Variants in RNF138 observed in about 807,000 individuals in gnomAD.
RNF138 encodes ring finger protein 138.
A neutral mutation model predicts 31.0 loss-of-function variants in RNF138; 12 were observed. The ratio of observed to expected loss-of-function variants is 0.39; its 90% CI spans 0.25 to 0.63. RNF138 has a LOEUF of 0.63. RNF138 is among the 20% of genes least tolerant of loss of function. RNF138 has a pLI of 0.52. For synonymous variants in RNF138, 105 were observed against 99.5 expected, an observed-to-expected ratio of 1.06 and a Z score of -0.33; for missense variants, 192 against 300.1, an observed-to-expected ratio of 0.64 and a Z score of 2.66.
intron 2 of RNF138, among the ~76,000 whole-genome samples, chr18:32,097,221 ATAAT>A (rs1362856132): frequency 6.6e-6 from 1 of 152,240 alleles, no homozygotes; most frequent in Non-Finnish European, 1.5e-5. Context: ...AGTCAAGGAA[ATAAT>A]TCTTGTACAT....
chr18:32,112,669 C>T (rs889417965), intron 3 of RNF138, among the ~76,000 whole-genome samples: 13 of 151,934 alleles, frequency 8.6e-5, no homozygotes, highest in East Asian at 1.9e-4. Context: ...GCAACAAGAG[C>T]GAAACGCTGT....
intron 4 of RNF138, among the ~76,000 whole-genome samples, chr18:32,120,758 A>G (rs2040290728): frequency 6.6e-6 from 1 of 152,230 alleles, no homozygotes; most frequent in African/African-American, 2.4e-5. Context: ...TAACTTTGAT[A>G]TTAAATGCTT....
intron 2 of RNF138, among the ~76,000 whole-genome samples, chr18:32,102,773 C>T (rs1355939969): frequency 6.6e-6 from 1 of 151,910 alleles, no homozygotes; most frequent in Non-Finnish European, 1.5e-5. Context: ...GCTGGGATTA[C>T]AGGTGCGCAA....
In RNF138 at chr18:32,131,460, C is replaced by CACTT. The variant is rs531620961; in HGVS notation, c.*2275_*2278dup. On this transcript the variant is annotated 3_prime_UTR_variant, in exon 8 of 8. Coordinates refer to ENST00000261593, the MANE Select transcript of RNF138 (RefSeq NM_016271.5). Reference sequence around the variant, plus strand: ...CTCCAATACCTAAATTTCACAATACCACTTAGGAAAGCTATTTCAACAAAT... The same window carrying CACTT: ...CTCCAATACCTAAATTTCACAATACCACTTACTTAGGAAAGCTATTTCAACAAAT... The CACTT allele has an allele frequency of 4.4e-3, 673 of 152,126 alleles. 3 individuals are homozygous for CACTT. Among genetic ancestry groups the CACTT allele is most frequent in the African/African-American group, 0.016 (647 of 41,526 alleles). The allele number at this position is 152,126 out of a possible 1,614,324, so 9.4% of individuals were successfully genotyped here. A position where few individuals can be genotyped will look rare whatever the true frequency, so the allele number is the denominator to read the frequency against.
intron 2 of RNF138, among the ~76,000 whole-genome samples, chr18:32,093,111 GCTCTC>G (rs1294946201): frequency 2.2e-5 from 2 of 92,962 alleles, no homozygotes; most frequent in East Asian, 8.8e-4. Context: ...CCAAGCTCCC[GCTCTC>G]CCGCTCTCCC....
At chr18:32,107,943 C>T (rs959437345) in intron 2 of RNF138, among the ~76,000 whole-genome samples, 3 of 152,152 alleles carry the variant, frequency 2.0e-5, no homozygotes, top group African/African-American at 7.2e-5. Flanking sequence ...CAAGCTCCAC[C>T]TCCCAGGTAC....
At chr18:32,126,234 TAAGAA>T (rs1243121297) in intron 6 of RNF138, among the ~76,000 whole-genome samples, 2 of 152,176 alleles carry the variant, frequency 1.3e-5, no homozygotes, top group Non-Finnish European at 2.9e-5. Flanking sequence ...TCTCTAGTTT[TAAGAA>T]AAGAAAAGAA....
At chr18:32,129,091 CT>C in intron 7 of RNF138, 27 bp from the exon 8 acceptor site, 1 of 1,508,762 alleles carries the variant, frequency 6.6e-7, no homozygotes, top group South Asian at 1.1e-5. Flanking sequence ...TATGTTTTTC[CT>C]GTTGACATGA....
At chr18:32,121,077 A>G (rs1415303117) in intron 4 of RNF138, among the ~76,000 whole-genome samples, 6 of 151,266 alleles carry the variant, frequency 4.0e-5, no homozygotes, top group East Asian at 3.9e-4. Flanking sequence ...GGAGTTTGCA[A>G]TTAGCCGCGA....
chr18:32,101,988 C>T (rs1568227159), intron 2 of RNF138, among the ~76,000 whole-genome samples: 1 of 151,322 alleles, frequency 6.6e-6, no homozygotes, highest in Non-Finnish European at 1.5e-5. Context: ...GCGATCCTCC[C>T]ACCTCAGCCT....
intron 2 of RNF138, among the ~76,000 whole-genome samples, chr18:32,093,538 C>G (rs2039748246): frequency 1.3e-5 from 2 of 152,160 alleles, no homozygotes; most frequent in African/African-American, 4.8e-5. Context: ...TTAAAACTGA[C>G]AGGATTTTCG....
chr18:32,092,439 C>T (rs982923180), intron 1 of RNF138, among the ~76,000 whole-genome samples: 2 of 151,858 alleles, frequency 1.3e-5, no homozygotes, highest in Admixed American at 6.6e-5. Flanking sequence ...GAGGGCGTGG[C>T]CTAGAGCGTG....
At chr18:32,099,863 A>G (rs938390889) in intron 2 of RNF138, among the ~76,000 whole-genome samples, 3 of 152,222 alleles carry the variant, frequency 2.0e-5, no homozygotes, top group Non-Finnish European at 4.4e-5. Flanking sequence ...CGTTTCACAT[A>G]TGAGAGTTTT....
At chr18:32,125,457 T>G (rs1401977252) in intron 6 of RNF138, among the ~76,000 whole-genome samples, 1 of 152,160 alleles carries the variant, frequency 6.6e-6, no homozygotes, top group East Asian at 1.9e-4. Context: ...CATAGGTAAG[T>G]TATTTCAGCT....
chr18:32,123,449 C>G, intron 4 of RNF138, 69 bp from the exon 5 acceptor site: 3 of 969,034 alleles, frequency 3.1e-6, no homozygotes, highest in Non-Finnish European at 4.6e-6. Context: ...ATTAATGGTT[C>G]AAGATAATGA....
chr18:32,119,715 C>T (rs2040273439), intron 4 of RNF138, among the ~76,000 whole-genome samples: 1 of 152,176 alleles, frequency 6.6e-6, no homozygotes, highest in Admixed American at 6.5e-5. Context: ...TGAGCCACTG[C>T]CCCCAGCCTC....
chr18:32,102,195 CTTTTTTTTTTTT>C (rs1167535943), intron 2 of RNF138, among the ~76,000 whole-genome samples: 6 of 63,830 alleles, frequency 9.4e-5, no homozygotes, highest in African/African-American at 1.2e-4. Flanking sequence ...CTTTTAGTTT[CTTTTTTTTTTTT>C]TTTTTTTTTT....
chr18:32,123,043 A>G (rs2040330839), intron 4 of RNF138, among the ~76,000 whole-genome samples: 1 of 152,218 alleles, frequency 6.6e-6, no homozygotes, highest in South Asian at 2.1e-4. Context: ...TTCTGGAAAT[A>G]AAATACAAAC....
intron 4 of RNF138, among the ~76,000 whole-genome samples, chr18:32,115,555 G>A (rs1257682410): frequency 6.6e-6 from 1 of 152,120 alleles, no homozygotes; most frequent in Admixed American, 6.5e-5. Flanking sequence ...GACCAGCCTG[G>A]CCATCATGGT....
Sources: allele counts gnomAD v4.1 joint callset (sites outside exome capture counted in the v4.1 genomes callset), GRCh38; gene constraint gnomAD v4.1.1; transcripts MANE v1.5; gene names NCBI Gene and HGNC (gene_info 2026-07-23, HGNC 2026-07-21).